The following RBFOX1 variants were observed in gnomAD, a reference collection of about 807,000 sequenced individuals.
RBFOX1 encodes RNA binding fox-1 homolog 1.
A neutral mutation model predicts 57.7 loss-of-function variants in RBFOX1; 8 were observed. The ratio of observed to expected loss-of-function variants is 0.14; its 90% CI spans 0.08 to 0.25. The LOEUF is 0.25. Among genes scored for constraint, RBFOX1 ranks in the 10% least tolerant of loss-of-function variants. The pLI is 1.00. For synonymous variants in RBFOX1, 326 were observed against 222.4 expected, an observed-to-expected ratio of 1.47 and a Z score of -4.15; for missense variants, 611 against 548.5, an observed-to-expected ratio of 1.11 and a Z score of -1.14.
At chr16:7,307,077 TAAAC>T (rs1486243840) in intron 4 of RBFOX1, among the ~76,000 whole-genome samples, 1 of 152,310 alleles carries the variant, frequency 6.6e-6, no homozygotes, top group East Asian at 1.9e-4. Context: ...TGTTTAGAAA[TAAAC>T]ATAATTCAGA....
At chr16:6,936,303 G>T (rs1014437693) in intron 3 of RBFOX1, among the ~76,000 whole-genome samples, 5 of 152,178 alleles carry the variant, frequency 3.3e-5, no homozygotes, top group African/African-American at 1.2e-4. Context: ...CGTTAAGTTT[G>T]TTGGAAATGC....
chr16:7,671,503 C>G, intron 13 of RBFOX1: 7 of 1,483,664 alleles, frequency 4.7e-6, no homozygotes, highest in South Asian at 1.1e-5. Flanking sequence ...TATGCATTCT[C>G]TTTTATTTAT....
At chr16:6,901,491 C>T (rs780062643) in intron 3 of RBFOX1, among the ~76,000 whole-genome samples, 2 of 152,186 alleles carry the variant, frequency 1.3e-5, no homozygotes, top group Admixed American at 6.5e-5. Flanking sequence ...TAGCCCATGA[C>T]TCTCGACCTG....
intron 3 of RBFOX1, among the ~76,000 whole-genome samples, chr16:5,796,652 T>C (rs2054889225): frequency 6.6e-6 from 1 of 152,232 alleles, no homozygotes; most frequent in Non-Finnish European, 1.5e-5. Flanking sequence ...GACTGTTTAC[T>C]TGTCAATGCC....
At chr16:6,011,657 T>C (rs2094962015) in intron 4 of RBFOX1, among the ~76,000 whole-genome samples, 1 of 152,182 alleles carries the variant, frequency 6.6e-6, no homozygotes, top group Non-Finnish European at 1.5e-5. Context: ...TAAACGGGCA[T>C]GTAATGACCT....
intron 2 of RBFOX1, among the ~76,000 whole-genome samples, chr16:5,535,651 G>A (rs2044664958): frequency 6.6e-6 from 1 of 152,118 alleles, no homozygotes; most frequent in African/African-American, 2.4e-5. Context: ...CAACTGATTT[G>A]TTTCGGTCTG....
At chr16:6,572,304 C>G (rs148526733) in intron 2 of RBFOX1, among the ~76,000 whole-genome samples, 3 of 152,258 alleles carry the variant, frequency 2.0e-5, no homozygotes, top group Admixed American at 2.0e-4. Flanking sequence ...TCCAAGTTGT[C>G]TGAGATCTAG....
At chr16:5,608,966 A>G (rs754479852) in intron 3 of RBFOX1, among the ~76,000 whole-genome samples, 17 of 152,286 alleles carry the variant, frequency 1.1e-4, no homozygotes, top group Admixed American at 6.5e-4. Context: ...TCTTCCCCCC[A>G]TATCCATTTC....
In RBFOX1 at chr16:6,981,833, G is replaced by A. The variant is rs559906755; in HGVS notation, c.-15-70224G>A. Among the ~76,000 whole-genome samples the A allele has an allele frequency of 3.3e-5, 5 of 152,184 alleles. No homozygotes were observed. In the South Asian group the frequency reaches 1.0e-3, roughly 32 times the overall value. ...AAGATGAGATTGGGGTGGGGACACA[G>A]CCAAGCCATATCATCCAGTCTACAC... On this transcript the variant is annotated intron_variant, in intron 3 of 15. Transcript: ENST00000550418.
intron 1 of RBFOX1, among the ~76,000 whole-genome samples, chr16:6,095,018 C>T (rs962843411): frequency 6.6e-6 from 1 of 152,168 alleles, no homozygotes; most frequent in Non-Finnish European, 1.5e-5. Context: ...TGAGATGGCA[C>T]CACTGCACTC....
chr16:7,173,935 G>A (rs540353576), intron 4 of RBFOX1, among the ~76,000 whole-genome samples: 2 of 152,300 alleles, frequency 1.3e-5, no homozygotes, highest in East Asian at 1.9e-4. Context: ...CCCACCCTGG[G>A]TGACGCAGAG....
chr16:5,520,243 G>T (rs1304520885), intron 2 of RBFOX1, among the ~76,000 whole-genome samples: 1 of 152,154 alleles, frequency 6.6e-6, no homozygotes, highest in African/African-American at 2.4e-5. Context: ...GGATCTTGTA[G>T]GCTGAAGTAA....
Position 5,727,659 on chromosome 16 carries a change from C to T in RBFOX1, c.318+128698C>T, listed in dbSNP as rs9932501. Among the ~76,000 whole-genome samples the T allele has an allele frequency of 9.1e-3, 1,391 of 152,190 alleles. 14 individuals carry two copies. Among genetic ancestry groups the T allele is most frequent in the African/African-American group, 0.023 (959 of 41,516 alleles). On this transcript the variant is annotated intron_variant, in intron 3 of 19. Coordinates refer to the RBFOX1 transcript ENST00000641259. ...CCCACCCTCAAGCTCTTGGTGACCA[C>T]AGTTCTACTCTGTTTTTGTTGTTGT...
At chr16:6,075,452 T>G (rs1422017095) in intron 1 of RBFOX1, among the ~76,000 whole-genome samples, 1 of 152,250 alleles carries the variant, frequency 6.6e-6, no homozygotes, top group African/African-American at 2.4e-5. Context: ...GAATCTTACA[T>G]TCTTATACAC....
At chr16:7,397,372 C>G (rs1597400081) in intron 4 of RBFOX1, among the ~76,000 whole-genome samples, 1 of 152,150 alleles carries the variant, frequency 6.6e-6, no homozygotes, top group Non-Finnish European at 1.5e-5. Flanking sequence ...CTGTAGGACA[C>G]CAGTCTATGA....
At position 6,450,601 on chromosome 16, in the gene RBFOX1, A is replaced by T. The variant is rs567865389; in HGVS notation, c.-64+133544A>T. ...CATTCCTGGCTTCAGTATGTTTCCA[A>T]CCCCTGTTTCCATTTCTTTACTTTT... On this transcript the variant is annotated intron_variant, in intron 2 of 15. Coordinates refer to ENST00000550418, the MANE Select transcript of RBFOX1 (RefSeq NM_018723.4). Among the ~76,000 whole-genome samples, 9 of 149,498 alleles carry T rather than the reference A, an allele frequency of 6.0e-5. No homozygotes were observed. In the South Asian group the frequency reaches 1.1e-3, roughly 18 times the overall value.
intron 2 of RBFOX1, among the ~76,000 whole-genome samples, chr16:6,433,683 G>C (rs955459691): frequency 1.3e-5 from 2 of 152,036 alleles, no homozygotes; most frequent in Non-Finnish European, 2.9e-5. Flanking sequence ...GTTTCTTCCG[G>C]AGGCTCCAGG....
At chr16:7,017,868 G>C (rs1006433994) in intron 3 of RBFOX1, among the ~76,000 whole-genome samples, 6 of 152,112 alleles carry the variant, frequency 3.9e-5, no homozygotes, top group African/African-American at 1.4e-4. Context: ...GAGAGAATTG[G>C]AGTCTTCGAG....
At chr16:7,296,211 A>T (rs914385104) in intron 4 of RBFOX1, among the ~76,000 whole-genome samples, 10 of 151,396 alleles carry the variant, frequency 6.6e-5, no homozygotes, top group African/African-American at 2.4e-4. Flanking sequence ...AATAGACTTA[A>T]ATTTAATCAA....
Sources: allele counts gnomAD v4.1 joint callset (sites outside exome capture counted in the v4.1 genomes callset), GRCh38; gene constraint gnomAD v4.1.1; transcripts MANE v1.5; gene names NCBI Gene and HGNC (gene_info 2026-07-23, HGNC 2026-07-21).